Variants in MYO9A observed in about 807,000 individuals in gnomAD.
The protein encoded by MYO9A is myosin IXA.
Under a neutral mutation model 293.3 loss-of-function variants are expected in MYO9A, and 103 were observed. That is an observed-to-expected ratio of 0.35 (90% CI 0.30 to 0.41). The LOEUF (loss-of-function observed/expected upper bound fraction) is 0.41. Ranked by LOEUF, MYO9A falls within the 10% of genes least tolerant of loss-of-function variation. The pLI is 1.00. For synonymous variants in MYO9A, 1,001 were observed against 1,035.7 expected, an observed-to-expected ratio of 0.97 and a Z score of 0.64; for missense variants, 2,685 against 3,033.0, an observed-to-expected ratio of 0.89 and a Z score of 2.69.
chr15:72,109,886 ACT>A (rs2080714341), intron 1 of MYO9A, among the ~76,000 whole-genome samples: 1 of 149,002 alleles, frequency 6.7e-6, no homozygotes, highest in Admixed American at 6.7e-5. Context: ...ACAGAGCAAG[ACT>A]CTGTCTCACA....
At chr15:71,962,541 A>G (rs1349324072) in intron 13 of MYO9A, among the ~76,000 whole-genome samples, 1 of 152,214 alleles carries the variant, frequency 6.6e-6, no homozygotes, top group East Asian at 1.9e-4. Context: ...TCAAATCCAA[A>G]TAACCTCTGA....
chr15:72,084,412 AGTTT>A (rs1194497918), intron 1 of MYO9A, among the ~76,000 whole-genome samples: 1 of 151,898 alleles, frequency 6.6e-6, no homozygotes, highest in South Asian at 2.1e-4. Flanking sequence ...TACACACCTT[AGTTT>A]TTTTATCCAA....
chr15:72,077,473 T>C (rs771176425), intron 1 of MYO9A, among the ~76,000 whole-genome samples: 4 of 151,894 alleles, frequency 2.6e-5, no homozygotes, highest in Non-Finnish European at 5.9e-5. Flanking sequence ...GGGTGGATCA[T>C]TTGAGGTCAG....
chr15:71,837,369 T>G (rs1285655269), intron 39 of MYO9A, among the ~76,000 whole-genome samples: 1 of 152,090 alleles, frequency 6.6e-6, no homozygotes, highest in Non-Finnish European at 1.5e-5. Flanking sequence ...AGAAGATCAC[T>G]CTGCAAATTT....
chr15:72,069,470 T>C (rs1419453509), intron 1 of MYO9A, among the ~76,000 whole-genome samples: 1 of 152,114 alleles, frequency 6.6e-6, no homozygotes, highest in African/African-American at 2.4e-5. Flanking sequence ...TCAAAATGTT[T>C]GTTGAATAAA....
chr15:71,982,225 T>C (rs2076293695), intron 11 of MYO9A, among the ~76,000 whole-genome samples: 1 of 151,964 alleles, frequency 6.6e-6, no homozygotes, highest in African/African-American at 2.4e-5. Flanking sequence ...TTTCACCGTG[T>C]TAGCCAGGAT....
At chr15:72,028,218 A>AATATATATATAT (rs33914430) in intron 3 of MYO9A, among the ~76,000 whole-genome samples, 120 of 134,194 alleles carry the variant, frequency 8.9e-4, no homozygotes, top group South Asian at 6.8e-3. Flanking sequence ...TAAATAAATA[A>AATATATATATAT]ATATATATAT....
intron 32 of MYO9A, among the ~76,000 whole-genome samples, chr15:71,872,770 A>T (rs2056555539): frequency 6.6e-6 from 1 of 152,162 alleles, no homozygotes; most frequent in African/African-American, 2.4e-5. Flanking sequence ...ATATGTGTGT[A>T]TATGTCTGTG....
At chr15:71,962,625 C>T (rs994158935) in intron 13 of MYO9A, among the ~76,000 whole-genome samples, 6 of 152,194 alleles carry the variant, frequency 3.9e-5, no homozygotes, top group Non-Finnish European at 5.9e-5. Context: ...TTTTACGTAA[C>T]TTATTTTTAC....
In MYO9A at chr15:71,825,442, T is replaced by TTAA. The variant is rs1341982300; in HGVS notation, c.*1135_*1137dup. On this transcript the variant is annotated 3_prime_UTR_variant, in exon 42 of 42. Coordinates refer to ENST00000356056, the MANE Select transcript of MYO9A (RefSeq NM_006901.4). ...TAGTCCTTGATTTTTTTCCATCTAT[T>TTAA]TAATACTGATAGTCTGAGAAAAGGA... 8 of 139,160 alleles carry TTAA rather than the reference T, an allele frequency of 5.7e-5. No individual in the cohort carries two copies. Among genetic ancestry groups the TTAA allele is most frequent in the African/African-American group, 2.0e-4 (8 of 39,916 alleles). 8.6% of individuals were successfully genotyped at this position (139,160 alleles called of 1,614,324 possible).
At chr15:72,023,070 T>C (rs1454988823) in intron 4 of MYO9A, among the ~76,000 whole-genome samples, 2 of 152,108 alleles carry the variant, frequency 1.3e-5, no homozygotes, top group Non-Finnish European at 2.9e-5. Flanking sequence ...GAGAACGCTA[T>C]CTCACCAAAT....
chr15:71,953,268 AAAGAATGCTT>A (rs1360616138), intron 14 of MYO9A, among the ~76,000 whole-genome samples: 1 of 152,178 alleles, frequency 6.6e-6, no homozygotes, highest in Non-Finnish European at 1.5e-5. Flanking sequence ...TTGCTTGGAG[AAAGAATGCTT>A]AGGCCTTAAA....
At chr15:71,829,149 A>C (rs894521208) in intron 40 of MYO9A, among the ~76,000 whole-genome samples, 2 of 152,142 alleles carry the variant, frequency 1.3e-5, no homozygotes, top group Non-Finnish European at 2.9e-5. Flanking sequence ...ATCAAAGCCA[A>C]ACTGGGTCTT....
chr15:72,017,117 C>T (rs905430881), intron 6 of MYO9A, among the ~76,000 whole-genome samples: 9 of 142,310 alleles, frequency 6.3e-5, no homozygotes, highest in African/African-American at 2.3e-4. Flanking sequence ...ACCTCCTGGG[C>T]TCAAGCAATC....
chr15:71,887,985 C>G lies in MYO9A; in HGVS notation c.5255+19G>C. ...AATAAAATTATATAACCCCTGTTAA[C>G]TCCGTGTATACTTTATACCTTATAT... On this transcript the variant is annotated intron_variant, in intron 27 of 41. Coordinates refer to ENST00000356056, the MANE Select transcript of MYO9A (RefSeq NM_006901.4). 7.3e-7 allele frequency: 1 copy of G among 1,368,540 alleles called. No homozygotes were observed. The highest frequency in any genetic ancestry group is 1.0e-6 in the Non-Finnish European group (1 of 979,656). 84.8% of individuals were successfully genotyped at this position (1,368,540 alleles called of 1,614,324 possible).
chr15:71,999,854 T>C lies in MYO9A; in HGVS notation c.1467A>G (p.Ala489=). The C allele has an allele frequency of 6.2e-7, 1 of 1,611,842 alleles. No individual in the cohort carries two copies. The highest frequency in any genetic ancestry group is 1.1e-5 in the South Asian group (1 of 90,708). The change falls in exon 9 of 42, where the codon GCA becomes GCG. Residue 489 remains alanine (A), a synonymous_variant. Coordinates refer to ENST00000356056, the MANE Select transcript of MYO9A (RefSeq NM_006901.4). ...TTTCAAAGAAAATCCATCATACCTCTGCCAACTTGTATGGCAAAATAAGCT... is the reference window on the plus strand; with the variant it reads ...TTTCAAAGAAAATCCATCATACCTCCGCCAACTTGTATGGCAAAATAAGCT... The part of the protein sequence containing the change: ...GEKLILPYKL[A]EAVTVRNSMA...
intron 1 of MYO9A, among the ~76,000 whole-genome samples, chr15:72,099,622 G>A (rs551607001): frequency 6.6e-6 from 1 of 151,700 alleles, no homozygotes; most frequent in African/African-American, 2.4e-5. Context: ...AAAAACCAAG[G>A]CTGGGCGCGG....
intron 5 of MYO9A, among the ~76,000 whole-genome samples, chr15:72,019,313 T>C (rs189372247): frequency 5.3e-5 from 8 of 152,340 alleles, no homozygotes; most frequent in Admixed American, 5.2e-4. Flanking sequence ...GTGACTGTTA[T>C]TTATATAAAC....
At chr15:71,935,784 T>C (rs2058623775) in intron 16 of MYO9A, among the ~76,000 whole-genome samples, 2 of 152,062 alleles carry the variant, frequency 1.3e-5, no homozygotes, top group African/African-American at 4.8e-5. Flanking sequence ...TAAAATGGAT[T>C]ATAGTATCTT....
Sources: gnomAD v4.1 joint callset for allele counts (sites outside exome capture counted in the v4.1 genomes callset) on GRCh38, gnomAD v4.1.1 for gene constraint, MANE v1.5 for transcripts, NCBI Gene and HGNC (gene_info 2026-07-23, HGNC 2026-07-21) for gene names.